The following TRMT44 variants were observed in gnomAD, a reference collection of about 807,000 sequenced individuals.
TRMT44 encodes tRNA methyltransferase 44 homolog.
Under a neutral mutation model 77.3 loss-of-function variants are expected in TRMT44, and 78 were observed. That is an observed-to-expected ratio of 1.01 (90% confidence interval 0.84 to 1.22). The LOEUF is 1.22. TRMT44 is among the 50% of genes most tolerant of loss of function. The pLI, the probability that TRMT44 is intolerant of heterozygous loss-of-function variation, is 0.00. For synonymous variants in TRMT44, 391 were observed against 383.3 expected, an observed-to-expected ratio of 1.02 and a Z score of -0.23; for missense variants, 1,090 against 964.4, an observed-to-expected ratio of 1.13 and a Z score of -1.73.
the TRMT44 span, among the ~76,000 whole-genome samples, chr4:8,514,212 G>C: frequency 1.3e-5 from 2 of 150,162 alleles, no homozygotes; most frequent in African/African-American, 4.9e-5. Context: ...AACAAGCCAA[G>C]CAGACTATGC....
chr4:8,470,978 A>C (rs1560239489), intron 9 of TRMT44, 106 bp from the exon 10 acceptor site: 2 of 726,430 alleles, frequency 2.8e-6, no homozygotes, highest in Non-Finnish European at 4.8e-6. Context: ...TGGAGTGCAT[A>C]ACGCGTGTGA....
At chr4:8,445,423 C>T (rs1724997244) in intron 1 of TRMT44, among the ~76,000 whole-genome samples, 1 of 152,198 alleles carries the variant, frequency 6.6e-6, no homozygotes, top group South Asian at 2.1e-4. Flanking sequence ...CTGGGTGGGC[C>T]CTGTTACCCT....
downstream of TRMT44, chr4:8,477,892 G>A (rs781213697): frequency 1.3e-5 from 2 of 152,790 alleles, no homozygotes; most frequent in Non-Finnish European, 2.9e-5. Flanking sequence ...CAGGGAGCCT[G>A]GCCCAGAAGA....
chr4:8,494,425 G>C (rs892357647), downstream of TRMT44, among the ~76,000 whole-genome samples: 33 of 152,112 alleles, frequency 2.2e-4, no homozygotes, highest in Non-Finnish European at 2.9e-5. Context: ...TGTGCCCTAC[G>C]TTTGTTTTAT....
At chr4:8,484,831 T>G (rs1727753161) in intron 2 of TRMT44, among the ~76,000 whole-genome samples, 1 of 152,130 alleles carries the variant, frequency 6.6e-6, no homozygotes, top group Non-Finnish European at 1.5e-5. Context: ...AGGAAGGGGT[T>G]GTTTTGTAGA....
Position 8,465,446 on chromosome 4 carries a change from G to A in TRMT44, c.1379G>A (p.Arg460Gln), listed in dbSNP as rs760461331. ...CFFDFIGRYS[R>Q]RQSKKTQYRE... ...TTTGACTTCATTGGAAGATACTCCCGGAGGCAGAGTAAGAAGACTCAGTAC... is the reference window on the plus strand; with the variant it reads ...TTTGACTTCATTGGAAGATACTCCCAGAGGCAGAGTAAGAAGACTCAGTAC... The change falls in exon 8 of 11, where the codon CGG becomes CAG. Residue 460 changes from arginine to glutamine, a missense_variant. Transcript: ENST00000389737. The A allele has an allele frequency of 4.0e-5, 64 of 1,613,958 alleles. No homozygotes were observed. The highest frequency in any genetic ancestry group is 3.3e-4 in the Middle Eastern group (2 of 6,078).
At chr4:8,500,410 C>A in the TRMT44 span, among the ~76,000 whole-genome samples, 116 of 151,796 alleles carry the variant, frequency 7.6e-4, 1 homozygote, top group African/African-American at 2.3e-3. Flanking sequence ...AAGAGAGAAT[C>A]GGTTGAACCT....
chr4:8,468,103 GCCAGGGTCGGGTGTGTAA>G lies in TRMT44; in HGVS notation c.1691_1708del (p.Val564_Arg569del), dbSNP rs746339945. 6 of 1,613,914 alleles carry G rather than the reference GCCAGGGTCGGGTGTGTAA, an allele frequency of 3.7e-6. No individual in the cohort carries two copies. The highest frequency in any genetic ancestry group is 5.1e-6 in the Non-Finnish European group (6 of 1,179,996). On this transcript the variant is annotated inframe_deletion, in exon 9 of 11. Coordinates refer to ENST00000389737, the MANE Select transcript of TRMT44 (RefSeq NM_152544.3). ...CTGTGACGGTCAGCAAGCTCTGGAC[GCCAGGGTCGGGTGTGTAA>G]CCAGGGCCTGGGCCGCTGAGCATGG... is the stretch of plus-strand genomic sequence containing the variant.
chr4:8,505,795 C>A, the TRMT44 span, among the ~76,000 whole-genome samples: 18 of 152,332 alleles, frequency 1.2e-4, no homozygotes, highest in Middle Eastern at 3.4e-3. Context: ...GATTGGATCA[C>A]AGGGGCGGTT....
chr4:8,457,770 A>G (rs1725896736), intron 6 of TRMT44, among the ~76,000 whole-genome samples: 1 of 152,250 alleles, frequency 6.6e-6, no homozygotes. Flanking sequence ...GAGCCAGTCA[A>G]GGAAATCATG....
chr4:8,504,192 G>A, the TRMT44 span, among the ~76,000 whole-genome samples: 2 of 152,124 alleles, frequency 1.3e-5, no homozygotes, highest in East Asian at 3.9e-4. The surrounding 1 kb of genome is among the most constrained non-coding windows in gnomAD (Gnocchi z 5.3). Flanking sequence ...CCCTCAGCCT[G>A]AGATTCAGCA....
Position 8,440,949 on chromosome 4 carries a change from C to G in TRMT44, c.127C>G (p.Leu43Val), listed in dbSNP as rs1724624777. ...VANKRLCGAR[L>V]EARWSAALPC... ...AAACAAACGGCTTTGCGGCGCCCGCCTGGAGGCCCGCTGGAGCGCCGCCCT... is the reference window on the plus strand; with the variant it reads ...AAACAAACGGCTTTGCGGCGCCCGCGTGGAGGCCCGCTGGAGCGCCGCCCT... Residue 43 changes from leucine to valine, a missense_variant, in exon 1 of 11, where the codon CTG becomes GTG. By Grantham distance (32) the Leu-to-Val change is conservative. Transcript: ENST00000389737. 6.5e-7 allele frequency: 1 copy of G among 1,529,380 alleles called. No individual in the cohort carries two copies. Among genetic ancestry groups the G allele is most frequent in the Admixed American group, 2.0e-5 (1 of 50,706 alleles). The allele number at this position is 1,529,380 out of a possible 1,614,324, so 94.7% of individuals were successfully genotyped here. A position where few individuals can be genotyped will look rare whatever the true frequency, so the allele number is the denominator to read the frequency against.
intron 6 of TRMT44, among the ~76,000 whole-genome samples, chr4:8,458,443 C>T (rs1725946472): frequency 6.7e-6 from 1 of 149,784 alleles, no homozygotes; most frequent in Non-Finnish European, 1.5e-5. Flanking sequence ...TTTTCTCTTT[C>T]TTATGATTTT....
the TRMT44 span, among the ~76,000 whole-genome samples, chr4:8,504,052 T>C: frequency 6.0e-5 from 9 of 151,158 alleles, no homozygotes; most frequent in Admixed American, 2.0e-4. This position sits in a 1 kb window ranked among gnomAD's most constrained non-coding sequence, Gnocchi z 5.3. Context: ...TCTCTCCTGC[T>C]CCCCCTCCAG....
In TRMT44 at chr4:8,468,108, G is replaced by A; in HGVS notation, c.1689G>A (p.Arg563=). 1 of 1,613,926 alleles carries A rather than the reference G, an allele frequency of 6.2e-7. No homozygotes were observed. Among genetic ancestry groups the A allele is most frequent in the Non-Finnish European group, 8.5e-7 (1 of 1,179,978 alleles). ...HCDGQQALDA[R]VGCVTRAWAA... ...ACGGTCAGCAAGCTCTGGACGCCAG[G>A]GTCGGGTGTGTAACCAGGGCCTGGG... Residue 563 remains arginine (R), a synonymous_variant, in exon 9 of 11, where the codon AGG becomes AGA. Transcript: ENST00000389737.
intron 2 of TRMT44, among the ~76,000 whole-genome samples, chr4:8,482,877 T>A (rs1355969089): frequency 8.1e-6 from 1 of 124,222 alleles, no homozygotes; most frequent in African/African-American, 3.1e-5. Flanking sequence ...AAAAATAAAA[T>A]AGTGTTGAAG....
At chr4:8,463,842 TC>T (rs567768084) in intron 6 of TRMT44, 142 bp from the exon 7 acceptor site, 24 of 668,456 alleles carry the variant, frequency 3.6e-5, no homozygotes, top group Non-Finnish European at 5.7e-5. Flanking sequence ...TCCCCGCTCT[TC>T]CCCGCTCTTG....
rs140491919 is a variant in TRMT44 at position 8,459,174 on chromosome 4, C to T, written c.1203+4361C>T. On this transcript the variant is annotated intron_variant, in intron 6 of 10. Transcript: ENST00000389737. ...CCAAGATTGTGCCACTGCACACCAG[C>T]CTGGGCGACGCAAGTGAGACTCTGT... Among the ~76,000 whole-genome samples the T allele has an allele frequency of 1.5e-3, 232 of 152,310 alleles. 1 individual carries two copies. The highest frequency in any genetic ancestry group is 4.9e-3 in the African/African-American group (202 of 41,566).
chr4:8,441,299 G>C lies in TRMT44; in HGVS notation c.477G>C (p.Glu159Asp). The C allele has an allele frequency of 6.5e-7, 1 of 1,535,610 alleles. No homozygotes were observed. Among genetic ancestry groups the C allele is most frequent in the Non-Finnish European group, 8.7e-7 (1 of 1,146,706 alleles). Residue 159 changes from glutamate (E) to aspartate (D), a missense_variant, in exon 1 of 11, where the codon GAG becomes GAC. Transcript: ENST00000389737. ...AAAGTCTCGCCCGTGGCAATTCGGA[G>C]TTGCTGGCCTTCCTCACCAGCTCCG... ...FSQSLARGNS[E>D]LLAFLTSSGA... is the part of the protein sequence containing the mutation.
Sources: gnomAD v4.1 joint callset for allele counts (sites outside exome capture counted in the v4.1 genomes callset) on GRCh38, gnomAD v4.1.1 for gene constraint, Gnocchi (gnomAD v3.1) non-coding constraint, MANE v1.5 for transcripts, NCBI Gene and HGNC (gene_info 2026-07-23, HGNC 2026-07-21) for gene names.